A1CF: variants seen among roughly 807,000 people sequenced by gnomAD.
A1CF encodes APOBEC1 complementation factor.
A1CF carries 48 observed loss-of-function variants against 68.9 expected under a neutral mutation model. That is an observed-to-expected ratio of 0.70 (90% CI 0.55 to 0.89). The LOEUF (loss-of-function observed/expected upper bound fraction) is 0.89. A1CF is among the 40% of genes least tolerant of loss of function. The probability of loss-of-function intolerance (pLI) is 0.00; values close to 1 mark genes in which losing one functional copy is unlikely to be tolerated. For missense variants in A1CF, 653 were observed against 718.9 expected (o/e 0.91, Z 1.05); for synonymous variants, 272 against 260.4 (o/e 1.04, Z -0.43).
At chr10:50,872,816 T>C in intron 1 of A1CF, among the ~76,000 whole-genome samples, 1 of 152,094 alleles carries the variant, frequency 6.6e-6, no homozygotes, top group East Asian at 1.9e-4. Flanking sequence ...CTGTCTGCTA[T>C]GCAGAGTCAT....
chr10:50,871,423 T>C (rs1841262092), intron 1 of A1CF, among the ~76,000 whole-genome samples: 1 of 151,886 alleles, frequency 6.6e-6, no homozygotes, highest in Admixed American at 6.6e-5. Flanking sequence ...AAAATATCAG[T>C]TTTTCCCAAA....
In A1CF at chr10:50,804,252, G is replaced by T. The variant is rs1837725407; in HGVS notation, c.*2477C>A. On this transcript the variant is annotated 3_prime_UTR_variant, in exon 13 of 13. Transcript: ENST00000373997. The stretch of plus-strand genomic sequence containing the variant: ...ATTTTCTCAATACTTTGGTATTATT[G>T]TATGTTTAGGTGTCTGCTCTTAATA... 1 of 152,094 alleles carries T rather than the reference G, an allele frequency of 6.6e-6. No individual in the cohort carries two copies. Among genetic ancestry groups the T allele is most frequent in the African/African-American group, 2.4e-5 (1 of 41,416 alleles). The allele number at this position is 152,094 out of a possible 1,614,324, so 9.4% of individuals were successfully genotyped here.
At chr10:50,869,363 T>C (rs1841145519) in intron 1 of A1CF, among the ~76,000 whole-genome samples, 1 of 152,164 alleles carries the variant, frequency 6.6e-6, no homozygotes, top group Admixed American at 6.6e-5. Context: ...TTTGTTTAAC[T>C]CATCTTAGCC....
At chr10:50,821,535 A>C (rs544945498) in intron 7 of A1CF, among the ~76,000 whole-genome samples, 1 of 132,502 alleles carries the variant, frequency 7.5e-6, no homozygotes, top group East Asian at 2.3e-4. Flanking sequence ...GAAAGATTAG[A>C]GACCTATTTT....
intron 8 of A1CF, among the ~76,000 whole-genome samples, chr10:50,819,751 T>G (rs1297586846): frequency 6.6e-6 from 1 of 152,212 alleles, no homozygotes; most frequent in East Asian, 1.9e-4. Flanking sequence ...TCTTTCCATA[T>G]TTTGATTTTT....
chr10:50,829,618 A>G (rs1432804737), intron 6 of A1CF, among the ~76,000 whole-genome samples: 1 of 152,164 alleles, frequency 6.6e-6, no homozygotes, highest in Non-Finnish European at 1.5e-5. Context: ...TTGTTACCCT[A>G]GCTGTGACCA....
chr10:50,831,099 A>G (rs970911728), intron 6 of A1CF, among the ~76,000 whole-genome samples: 1 of 152,214 alleles, frequency 6.6e-6, no homozygotes, highest in African/African-American at 2.4e-5. Context: ...CAATATACAC[A>G]TAAGCCAAGT....
intron 1 of A1CF, among the ~76,000 whole-genome samples, chr10:50,870,661 T>C (rs940775546): frequency 6.6e-6 from 1 of 151,840 alleles, no homozygotes; most frequent in Admixed American, 6.6e-5. Flanking sequence ...TAACACCAGA[T>C]CCAGATGGTT....
intron 3 of A1CF, among the ~76,000 whole-genome samples, chr10:50,845,198 T>G (rs1042825895): frequency 6.6e-6 from 1 of 152,220 alleles, no homozygotes; most frequent in Non-Finnish European, 1.5e-5. Context: ...TCCTGTACTT[T>G]TTTCTTACCC....
In A1CF at chr10:50,844,000, T is replaced by G. The variant is rs768976380; in HGVS notation, c.222A>C (p.Pro74=). 20 of 1,612,908 alleles carry G rather than the reference T, an allele frequency of 1.2e-5. No individual in the cohort carries two copies. The Admixed American group carries it at 3.0e-4, about 24-fold the overall frequency. ...AATTTGGACTCACTTTTTCACATAA[T>G]GGTATAAGCTCATCCTCAAAAAGGT... ...PRDLFEDELI[P]LCEKIGKIYE... The change falls in exon 4 of 13, where the codon CCA becomes CCC. Residue 74 remains proline, a synonymous_variant. Transcript: ENST00000373997.
In A1CF at chr10:50,872,898, A is replaced by C. The variant is rs190695567; in HGVS notation, c.-93-8818T>G. Among the ~76,000 whole-genome samples, 755 of 150,898 alleles carry C rather than the reference A, an allele frequency of 5.0e-3. 3 individuals carry two copies. Among genetic ancestry groups the C allele is most frequent in the Middle Eastern group, 0.01 (3 of 288 alleles). ...TTACCAAATGATGTATCATTTGGCA[A>C]GATCTGGCTCAGCTTTCATGCTTAC... is the stretch of plus-strand genomic sequence containing the variant. On this transcript the variant is annotated intron_variant, in intron 1 of 12. Transcript: ENST00000373997.
rs531045945 is a variant in A1CF, at chr10:50,850,341, C to A, written c.100-6219G>T. Among the ~76,000 whole-genome samples, 29 of 152,244 alleles carry A rather than the reference C, an allele frequency of 1.9e-4. No homozygotes were observed. The South Asian group carries it at 5.0e-3, about 26-fold the overall frequency. On this transcript the variant is annotated intron_variant, in intron 3 of 12. Coordinates refer to ENST00000373997, the MANE Select transcript of A1CF (RefSeq NM_014576.4). ...TTCAAGTTGATGCATTTAATAATAT[C>A]TTTTAATAATTTCCCTTTATGTTTA...
rs1837772474 is a variant in A1CF, at chr10:50,805,411, T to C, written c.*1318A>G. The C allele has an allele frequency of 6.6e-6, 1 of 152,250 alleles. No homozygotes were observed. The highest frequency in any genetic ancestry group is 2.1e-4 in the South Asian group (1 of 4,836). 9.4% of individuals were successfully genotyped at this position (152,250 alleles called of 1,614,324 possible). On this transcript the variant is annotated 3_prime_UTR_variant, in exon 13 of 13. Transcript: ENST00000373997. ...TGGCAAGAAAGTAGTGCCTTCTCTT[T>C]ACCTCTGTTCCGTGTTTTGTAGCAC...
At chr10:50,850,182 C>T (rs982912563) in intron 3 of A1CF, among the ~76,000 whole-genome samples, 1 of 152,130 alleles carries the variant, frequency 6.6e-6, no homozygotes, top group Non-Finnish European at 1.5e-5. Context: ...AAGGAAACAA[C>T]TATGAGTAAA....
rs1337182202 is a variant in A1CF, at chr10:50,804,867, TACTGATGCCAGGC to T, written c.*1849_*1861del. ...AAATCACCTAGGGATCATTAAAAAA[TACTGATGCCAGGC>T]ACCCATCCAAGGAAATTCTAGTGTA... On this transcript the variant is annotated 3_prime_UTR_variant, in exon 13 of 13. Coordinates refer to ENST00000373997, the MANE Select transcript of A1CF (RefSeq NM_014576.4). 4 of 152,132 alleles carry T rather than the reference TACTGATGCCAGGC, an allele frequency of 2.6e-5. No individual in the cohort carries two copies. Among genetic ancestry groups the T allele is most frequent in the Non-Finnish European group, 5.9e-5 (4 of 68,022 alleles). 9.4% of individuals were successfully genotyped at this position (152,132 alleles called of 1,614,324 possible).
At chr10:50,815,483 G>C (rs1838320787) in intron 9 of A1CF, among the ~76,000 whole-genome samples, 1 of 152,094 alleles carries the variant, frequency 6.6e-6, no homozygotes, top group African/African-American at 2.4e-5. Context: ...ATATTTCCTG[G>C]AGGAGGTCAG....
In A1CF at chr10:50,816,010, A is replaced by G. The variant is rs761148281; in HGVS notation, c.1137T>C (p.Val379=). 3.7e-6 allele frequency: 6 copies of G among 1,613,388 alleles called. No individual in the cohort carries two copies. The African/African-American group carries it at 6.7e-5, about 18-fold the overall frequency. The change falls in exon 9 of 13, where the codon GTT becomes GTC. Residue 379 remains valine, a synonymous_variant. Coordinates refer to ENST00000373997, the MANE Select transcript of A1CF (RefSeq NM_014576.4). ...GCAAGATCTGACTGGTGTTACCTCTAACAGAAGGGGCTCGGATAATGGCTC... is the reference window on the plus strand; with the variant it reads ...GCAAGATCTGACTGGTGTTACCTCTGACAGAAGGGGCTCGGATAATGGCTC... The part of the protein sequence containing the change: ...SNRAIIRAPS[V]RGAAGVRGLG...
intron 2 of A1CF, among the ~76,000 whole-genome samples, chr10:50,861,277 A>G (rs1323380929): frequency 1.3e-5 from 2 of 151,058 alleles, no homozygotes; most frequent in African/African-American, 4.8e-5. Context: ...TAGCAATATT[A>G]CTAAGACTAC....
chr10:50,814,985 G>A (rs955523130), intron 9 of A1CF, among the ~76,000 whole-genome samples: 2 of 152,092 alleles, frequency 1.3e-5, no homozygotes, highest in African/African-American at 2.4e-5. Flanking sequence ...AACTTTTAAG[G>A]CTGTTGAAGA....
Sources: gnomAD v4.1 joint callset for allele counts (sites outside exome capture counted in the v4.1 genomes callset) on GRCh38, gnomAD v4.1.1 for gene constraint, MANE v1.5 for transcripts, NCBI Gene and HGNC (gene_info 2026-07-23, HGNC 2026-07-21) for gene names.